Variants in CCDC88B observed in about 807,000 individuals in gnomAD.
CCDC88B encodes the protein coiled-coil domain-containing protein 88B.
CCDC88B carries 138 observed loss-of-function variants against 183.7 expected under a neutral mutation model. The observed-to-expected ratio is 0.75, with a 90% confidence interval of 0.65 to 0.87. CCDC88B has a LOEUF of 0.87. Ranked by LOEUF, CCDC88B falls within the 40% of genes least tolerant of loss-of-function variation. CCDC88B has a pLI of 0.00. For synonymous variants in CCDC88B, 835 were observed against 867.5 expected (o/e 0.96, Z 0.66); for missense variants, 1,822 against 1,965.6 (o/e 0.93, Z 1.38).
intron 1 of CCDC88B, 120 bp from the exon 2 acceptor site, chr11:64,340,487 G>C: frequency 1.4e-6 from 2 of 1,464,172 alleles, no homozygotes; most frequent in Admixed American, 2.2e-5. Flanking sequence ...TGTGGTGAGG[G>C]AAGAGGGGAC....
In CCDC88B at chr11:64,351,189, C is replaced by G; in HGVS notation, c.2892C>G (p.Pro964=). 6.6e-7 allele frequency: 1 copy of G among 1,512,228 alleles called. No individual in the cohort carries two copies. The highest frequency in any genetic ancestry group is 2.4e-5 in the Admixed American group (1 of 41,698). 93.7% of individuals were successfully genotyped at this position (1,512,228 alleles called of 1,614,324 possible). ...QLRQGPAGLG[P]KKRAEPQLVE... The stretch of plus-strand genomic sequence containing the variant: ...GCCAGGGCCCCGCGGGGCTGGGGCC[C>G]AAAAAGCGTGCGGAGCCTCAGCTGG... The change falls in exon 17 of 27, where the codon CCC becomes CCG. Residue 964 remains proline (P), a synonymous_variant. Transcript: ENST00000356786.
chr11:64,343,747 G>T (rs369014117), intron 12 of CCDC88B, 31 bp from the exon 13 acceptor site: 1 of 1,536,454 alleles, frequency 6.5e-7, no homozygotes, highest in East Asian at 2.4e-5. Flanking sequence ...GGCAGTAAAG[G>T]AGGGGTCCTG....
intron 14 of CCDC88B, 59 bp downstream of exon 14, chr11:64,345,216 G>A (rs2036061182): frequency 4.0e-6 from 6 of 1,505,360 alleles, no homozygotes; most frequent in Non-Finnish European, 4.4e-6. Context: ...GCTGTTGGGA[G>A]TTACTGATTC....
chr11:64,355,743 C>T (rs568925052), intron 26 of CCDC88B, 115 bp downstream of exon 26: 196 of 1,026,968 alleles, frequency 1.9e-4, no homozygotes, highest in Non-Finnish European at 2.4e-4. Flanking sequence ...TGCCAGGTGA[C>T]GTGCTGGCAG....
intron 14 of CCDC88B, among the ~76,000 whole-genome samples, chr11:64,348,048 T>C (rs1016241364): frequency 1.2e-4 from 3 of 24,826 alleles, no homozygotes; most frequent in African/African-American, 4.5e-4. Flanking sequence ...AGACTCCGTC[T>C]CAAAAAAAAA....
chr11:64,345,244 TG>T (rs1325871532), intron 14 of CCDC88B, 87 bp downstream of exon 14: 4 of 1,421,632 alleles, frequency 2.8e-6, no homozygotes, highest in Non-Finnish European at 3.8e-6. Context: ...AGCTGTTCAG[TG>T]GGTGCCCAGC....
intron 10 of CCDC88B, 103 bp downstream of exon 10, chr11:64,342,783 G>A: frequency 7.5e-7 from 1 of 1,332,492 alleles, no homozygotes; most frequent in Middle Eastern, 2.2e-4. Context: ...TTCTCTGGAG[G>A]GGACAGTCAC....
intron 16 of CCDC88B, 82 bp downstream of exon 16, chr11:64,349,750 C>T (rs1053210043): frequency 7.8e-7 from 1 of 1,281,426 alleles, no homozygotes. Context: ...CATCTGTCCT[C>T]CTAGTCTTGC....
Position 64,351,533 on chromosome 11 carries a change from G to A in CCDC88B, c.3016G>A (p.Gly1006Arg), listed in dbSNP as rs867401721. The A allele has an allele frequency of 5.1e-6, 8 of 1,574,992 alleles. No homozygotes were observed. The highest frequency in any genetic ancestry group is 6.8e-6 in the Non-Finnish European group (8 of 1,168,640). ...GCAGGGGCAGCTGCAGCACCTGGAG[G>A]GGCAGCTGGGGAGCCTGCAGGGCCG... ...ALQGQLQHLE[G>R]QLGSLQGRAQ... Residue 1006 changes from glycine (G) to arginine (R), a missense_variant, in exon 18 of 27, where the codon GGG becomes AGG. Transcript: ENST00000356786.
In CCDC88B at chr11:64,342,672, C is replaced by T. The variant is rs1381891940; in HGVS notation, c.1054C>T (p.Gln352Ter). Residue 352 changes from glutamine (Q) to a stop codon, truncating the protein, a stop_gained, in exon 10 of 27, where the codon CAG (glutamine) becomes TAG (stop). Coordinates refer to ENST00000356786, the MANE Select transcript of CCDC88B (RefSeq NM_032251.6). LOFTEE classifies it high-confidence loss of function. ...RLQAAEAYKS[Q>*]LEEERVLSGV... ...GCAGGCGGCTGAGGCCTACAAGAGTCAGCTGGAGGTGAGGCGGAGACGGAG... is the reference window on the plus strand; with the variant it reads ...GCAGGCGGCTGAGGCCTACAAGAGTTAGCTGGAGGTGAGGCGGAGACGGAG... The T allele has an allele frequency of 6.7e-7, 1 of 1,493,478 alleles. No homozygotes were observed. The highest frequency in any genetic ancestry group is 1.4e-5 in the African/African-American group (1 of 70,994). The allele number at this position is 1,493,478 out of a possible 1,614,324, so 92.5% of individuals were successfully genotyped here.
rs747560948 is a variant in CCDC88B at position 64,344,883 on chromosome 11, G to A, written c.2342G>A (p.Arg781Gln). The change falls in exon 14 of 27, where the codon CGG becomes CAG. Residue 781 changes from arginine to glutamine, a missense_variant. Coordinates refer to ENST00000356786, the MANE Select transcript of CCDC88B (RefSeq NM_032251.6). This position sits in a 1 kb window ranked among gnomAD's most constrained non-coding sequence, Gnocchi z 4.5. ...QARRAEAEAH[R>Q]EAEAQAWEQA... ...CGAAGGGCAGAGGCCGAGGCCCACCGGGAGGCAGAGGCCCAGGCCTGGGAG... is the reference window on the plus strand; with the variant it reads ...CGAAGGGCAGAGGCCGAGGCCCACCAGGAGGCAGAGGCCCAGGCCTGGGAG... 66 of 1,596,776 alleles carry A rather than the reference G, an allele frequency of 4.1e-5. No homozygotes were observed. In the African/African-American group the frequency reaches 4.6e-4, roughly 11 times the overall value.
At chr11:64,353,556 G>C in intron 22 of CCDC88B, 60 bp downstream of exon 22, 1 of 1,587,432 alleles carries the variant, frequency 6.3e-7, no homozygotes, top group Admixed American at 1.7e-5. Flanking sequence ...TTCCTGGGGA[G>C]AGCCCTTAGT....
chr11:64,354,538 A>C (rs2036465854), intron 24 of CCDC88B, among the ~76,000 whole-genome samples: 1 of 151,934 alleles, frequency 6.6e-6, no homozygotes, highest in Non-Finnish European at 1.5e-5. Context: ...TATGAAGGCC[A>C]GCACAGGGCC....
rs1019024898 is a variant in CCDC88B at position 64,343,255 on chromosome 11, G to A, written c.1139G>A (p.Arg380His). ...GAGCAGCTGGAGGCTGCCCGAGAGC[G>A]CTGCGCCCGGCTGCACGAGACCCAG... The part of the protein sequence containing the change: ...LEEQLEAARE[R>H]CARLHETQRE... Residue 380 changes from arginine to histidine, a missense_variant, in exon 11 of 27, where the codon CGC becomes CAC. Transcript: ENST00000356786. 1.0e-5 allele frequency: 16 copies of A among 1,548,470 alleles called. No homozygotes were observed. The highest frequency in any genetic ancestry group is 1.3e-5 in the Non-Finnish European group (15 of 1,146,696).
rs1434769921 is a variant in CCDC88B, at chr11:64,345,037, G to C, written c.2496G>C (p.Gly832=). 6.5e-7 allele frequency: 1 copy of C among 1,548,782 alleles called. No individual in the cohort carries two copies. The highest frequency in any genetic ancestry group is 8.7e-7 in the Non-Finnish European group (1 of 1,149,224). Residue 832 remains glycine, a synonymous_variant, in exon 14 of 27, where the codon GGG becomes GGC. Coordinates refer to ENST00000356786, the MANE Select transcript of CCDC88B (RefSeq NM_032251.6). The stretch of plus-strand genomic sequence containing the variant: ...AGCGGAGGCAGTGGGAGCGTGAGGG[G>C]TCCAGGCTGCGGGCCCAGTCGGAGG... ...GRERRQWERE[G]SRLRAQSEAA...
Position 64,357,155 on chromosome 11 carries a change from C to G in CCDC88B, c.*61C>G. 1 of 1,589,818 alleles carries G rather than the reference C, an allele frequency of 6.3e-7. No individual in the cohort carries two copies. The highest frequency in any genetic ancestry group is 8.6e-7 in the Non-Finnish European group (1 of 1,158,030). On this transcript the variant is annotated 3_prime_UTR_variant, in exon 27 of 27. Transcript: ENST00000356786. ...CTCGGCACTGGAGTGTCAGCGGAGG[C>G]CCCAGGCAGCCCAAGAGCTCAGGGA... is the stretch of plus-strand genomic sequence containing the variant.
Position 64,344,441 on chromosome 11 carries a change from T to C in CCDC88B, c.1900T>C (p.Leu634=), listed in dbSNP as rs772078171. ...GGGAAGAGAGGCTCCCCAAGGCGAG[T>C]TGGTGCCTGAGGCCTGGGGGTTGAG... The part of the protein sequence containing the change: ...TEGREAPQGE[L]VPEAWGLRQE... Residue 634 remains leucine (L), a synonymous_variant, in exon 14 of 27, where the codon TTG becomes CTG. Coordinates refer to ENST00000356786, the MANE Select transcript of CCDC88B (RefSeq NM_032251.6). The surrounding 1 kb of genome is among the most constrained non-coding windows in gnomAD (Gnocchi z 4.5). The C allele has an allele frequency of 1.5e-5, 24 of 1,591,456 alleles. No individual in the cohort carries two copies. The South Asian group carries it at 2.3e-4, about 15-fold the overall frequency.
intron 7 of CCDC88B, 85 bp downstream of exon 7, chr11:64,341,827 T>G: frequency 6.9e-7 from 1 of 1,439,472 alleles, no homozygotes; most frequent in South Asian, 1.3e-5. Context: ...GATGGAAGTT[T>G]GGGGCCCAGG....
chr11:64,351,660 C>A, intron 18 of CCDC88B, 44 bp downstream of exon 18: 1 of 1,497,404 alleles, frequency 6.7e-7, no homozygotes, highest in East Asian at 2.4e-5. Flanking sequence ...TGTACTGCCC[C>A]CTCCTGCTCC....
Sources: allele counts gnomAD v4.1 joint callset (sites outside exome capture counted in the v4.1 genomes callset), GRCh38; gene constraint gnomAD v4.1.1; non-coding constraint Gnocchi (gnomAD v3.1); transcripts MANE v1.5; gene names NCBI Gene and HGNC (gene_info 2026-07-23, HGNC 2026-07-21).